The following GABRG2 variants were observed in gnomAD, a reference collection of about 807,000 sequenced individuals.
GABRG2 encodes gamma-aminobutyric acid receptor subunit gamma-2.
In GABRG2, 16 loss-of-function variants were observed where a neutral mutation model predicts 56.4. The observed-to-expected ratio is 0.28, with a 90% CI of 0.19 to 0.43. The LOEUF is 0.43. GABRG2 is among the 20% of genes least tolerant of loss of function. GABRG2 has a pLI of 1.00. For missense variants in GABRG2, 327 were observed against 582.7 expected (o/e 0.56, Z 4.52); for synonymous variants, 208 against 205.5 (o/e 1.01, Z -0.10).
chr5:162,079,116 G>A (rs1257852705), intron 1 of GABRG2, among the ~76,000 whole-genome samples: 5 of 151,958 alleles, frequency 3.3e-5, no homozygotes, highest in Non-Finnish European at 7.4e-5. Flanking sequence ...TATTACAGTT[G>A]ATTGTAATTT....
chr5:162,108,984 CA>C (rs1762037238), intron 6 of GABRG2, among the ~76,000 whole-genome samples: 1 of 152,038 alleles, frequency 6.6e-6, no homozygotes, highest in African/African-American at 2.4e-5. Flanking sequence ...TTTATAGCAG[CA>C]TGATTTATAT....
intron 1 of GABRG2, among the ~76,000 whole-genome samples, chr5:162,083,188 G>A (rs1473774627): frequency 6.6e-6 from 1 of 151,490 alleles, no homozygotes; most frequent in Non-Finnish European, 1.5e-5. Flanking sequence ...AAATAAAATT[G>A]GAATATTTCA....
chr5:162,114,677 A>G (rs1414683076), intron 6 of GABRG2, among the ~76,000 whole-genome samples: 1 of 152,238 alleles, frequency 6.6e-6, no homozygotes. Flanking sequence ...ATTGCAAAGA[A>G]GTGCCAGAAT....
At position 162,085,624 on chromosome 5, in the gene GABRG2, T is replaced by C. The variant is rs115615308; in HGVS notation, c.108-8204T>C. On this transcript the variant is annotated intron_variant, in intron 1 of 9. Coordinates refer to ENST00000639213, the MANE Select transcript of GABRG2 (RefSeq NM_198904.4). The stretch of plus-strand genomic sequence containing the variant: ...CAGTGATACAAATGCAGGTTTCTTA[T>C]ATAGGTAAACTTGTGTTATGGGGGT... Among the ~76,000 whole-genome samples the C allele has an allele frequency of 4.2e-3, 634 of 151,378 alleles. 6 individuals are homozygous for C. Among genetic ancestry groups the C allele is most frequent in the African/African-American group, 0.015 (609 of 41,350 alleles).
chr5:162,134,103 C>A (rs945142243), intron 6 of GABRG2, among the ~76,000 whole-genome samples: 2 of 152,008 alleles, frequency 1.3e-5, no homozygotes, highest in African/African-American at 4.8e-5. Flanking sequence ...TGTTTGTTTT[C>A]TTTGGATTTA....
At chr5:162,124,112 T>C (rs567753153) in intron 6 of GABRG2, among the ~76,000 whole-genome samples, 43 of 151,830 alleles carry the variant, frequency 2.8e-4, no homozygotes, top group African/African-American at 9.6e-4. Context: ...GGTCTTATCA[T>C]GAGATTTCAA....
chr5:162,121,463 AT>A (rs1186864107), intron 6 of GABRG2, among the ~76,000 whole-genome samples: 3 of 151,832 alleles, frequency 2.0e-5, no homozygotes, highest in South Asian at 2.1e-4. Flanking sequence ...CTTTGGATCT[AT>A]TTTTTTTAAA....
At chr5:162,144,079 G>A (rs1256919743) in intron 7 of GABRG2, among the ~76,000 whole-genome samples, 2 of 152,116 alleles carry the variant, frequency 1.3e-5, no homozygotes, top group African/African-American at 4.8e-5. Context: ...CCCCAAATAT[G>A]TTGAGCCTAT....
chr5:162,150,358 G>A (rs1477962303), intron 8 of GABRG2: 2 of 152,192 alleles, frequency 1.3e-5, no homozygotes, highest in Non-Finnish European at 2.9e-5. Context: ...TTCCAGCCTG[G>A]ATTGACTTCA....
chr5:162,105,523 G>A (rs955737496), intron 6 of GABRG2, among the ~76,000 whole-genome samples: 21 of 140,918 alleles, frequency 1.5e-4, no homozygotes, highest in South Asian at 1.4e-3. Flanking sequence ...TCTGCCTCCC[G>A]AGTTCATGCC....
intron 6 of GABRG2, among the ~76,000 whole-genome samples, chr5:162,113,754 G>T (rs1349627192): frequency 2.6e-5 from 4 of 152,206 alleles, no homozygotes; most frequent in Admixed American, 2.6e-4. Context: ...CAAAGACAAT[G>T]TGTAATTCAC....
chr5:162,123,420 A>G (rs17060101), intron 6 of GABRG2, among the ~76,000 whole-genome samples: 19,041 of 151,790 alleles, frequency 0.13, 1,250 homozygotes, highest in Non-Finnish European at 0.14. Flanking sequence ...TTGTCATACC[A>G]CACATCTATA....
intron 3 of GABRG2, among the ~76,000 whole-genome samples, chr5:162,096,748 T>C (rs941002259): frequency 4.6e-5 from 7 of 152,028 alleles, no homozygotes; most frequent in Non-Finnish European, 7.4e-5. Flanking sequence ...ATCTGCTTTT[T>C]TTTTTTTACT....
At chr5:162,137,700 T>C (rs955769683) in intron 6 of GABRG2, among the ~76,000 whole-genome samples, 21 of 152,254 alleles carry the variant, frequency 1.4e-4, no homozygotes, top group African/African-American at 5.1e-4. Flanking sequence ...AGAGCACTCT[T>C]TCTTTTTCTT....
At chr5:162,091,024 G>T (rs965267122) in intron 1 of GABRG2, among the ~76,000 whole-genome samples, 5 of 152,068 alleles carry the variant, frequency 3.3e-5, no homozygotes, top group African/African-American at 1.2e-4. Flanking sequence ...TTTTTTTAAA[G>T]ACAAATCTGG....
chr5:162,075,391 C>T (rs1228151903), intron 1 of GABRG2, among the ~76,000 whole-genome samples: 1 of 152,184 alleles, frequency 6.6e-6, no homozygotes, highest in African/African-American at 2.4e-5. Context: ...ATTGCAAACT[C>T]CACTCCACCT....
At chr5:162,129,562 C>A (rs1352237151) in intron 6 of GABRG2, among the ~76,000 whole-genome samples, 1 of 151,806 alleles carries the variant, frequency 6.6e-6, no homozygotes, top group African/African-American at 2.4e-5. Context: ...CCATAGGAAT[C>A]ATTTATTTAA....
In GABRG2 at chr5:162,092,770, A is replaced by C. The variant is rs918440878; in HGVS notation, c.108-1058A>C. On this transcript the variant is annotated intron_variant, in intron 1 of 9. Transcript: ENST00000639213. Reference sequence around the variant, plus strand: ...CATTCTATACTATATGTTTAGAAAAATAAGGTAAAGATGGGGGCAGGGGTG... The same window carrying C: ...CATTCTATACTATATGTTTAGAAAACTAAGGTAAAGATGGGGGCAGGGGTG... 2.0e-5 allele frequency among the ~76,000 whole-genome samples: 3 copies of C among 152,248 alleles called. No homozygotes were observed. The East Asian group carries it at 5.8e-4, about 29-fold the overall frequency.
intron 1 of GABRG2, among the ~76,000 whole-genome samples, chr5:162,085,468 C>A (rs1760001048): frequency 6.6e-6 from 1 of 151,798 alleles, no homozygotes; most frequent in Non-Finnish European, 1.5e-5. Flanking sequence ...TCCTACCCAG[C>A]ATCCATGGAC....
Sources: allele counts gnomAD v4.1 joint callset (sites outside exome capture counted in the v4.1 genomes callset), GRCh38; gene constraint gnomAD v4.1.1; transcripts MANE v1.5; gene names NCBI Gene and HGNC (gene_info 2026-07-23, HGNC 2026-07-21).